The following PSPH variants were observed in gnomAD, a reference collection of about 807,000 sequenced individuals.
PSPH encodes L-3-phosphoserine phosphatase.
In PSPH, 16 loss-of-function variants were observed where a neutral mutation model predicts 23.4. The observed-to-expected ratio is 0.68, with a 90% CI of 0.46 to 1.04. The LOEUF (loss-of-function observed/expected upper bound fraction) is 1.04. Ranked by LOEUF, PSPH falls within the 50% of genes least tolerant of loss-of-function variation. The pLI, the probability that PSPH is intolerant of heterozygous loss-of-function variation, is 0.00. For synonymous variants in PSPH, 68 were observed against 99.7 expected, an observed-to-expected ratio of 0.68 and a Z score of 1.89; for missense variants, 223 against 273.7, an observed-to-expected ratio of 0.81 and a Z score of 1.31.
chr7:56,045,272 A>G (rs762345416), intron 1 of PSPH, among the ~76,000 whole-genome samples: 1 of 152,090 alleles, frequency 6.6e-6, no homozygotes, highest in Non-Finnish European at 1.5e-5. Context: ...TGGTAGGCCA[A>G]AGTGGGAGGA....
chr7:56,032,331 AAG>A (rs776589045), intron 2 of PSPH, among the ~76,000 whole-genome samples: 1 of 152,136 alleles, frequency 6.6e-6, no homozygotes, highest in Admixed American at 6.6e-5. Context: ...GGGAGAGGGA[AAG>A]AGAATCTCTT....
chr7:56,046,513 C>T (rs575906325), intron 1 of PSPH, among the ~76,000 whole-genome samples: 46 of 152,020 alleles, frequency 3.0e-4, no homozygotes, highest in African/African-American at 1.1e-3. Context: ...TGGCTTTGCA[C>T]GGTGGCTTAC....
rs563676402 is a variant in PSPH at position 56,016,657 on chromosome 7, G to A, written c.421+577C>T. Among the ~76,000 whole-genome samples the A allele has an allele frequency of 5.9e-5, 9 of 151,830 alleles. No individual in the cohort carries two copies. In the East Asian group the frequency reaches 7.8e-4, roughly 13 times the overall value. On this transcript the variant is annotated intron_variant, in intron 6 of 7. Coordinates refer to ENST00000275605, the MANE Select transcript of PSPH (RefSeq NM_004577.4). The stretch of plus-strand genomic sequence containing the variant: ...GAGATCTCAGCTCACTGCAGCCTCC[G>A]CCTCCCAGCTTCAAGTGATTCTCCT...
chr7:56,048,567 G>T (rs1353448766), intron 1 of PSPH, among the ~76,000 whole-genome samples: 1 of 152,102 alleles, frequency 6.6e-6, no homozygotes, highest in Non-Finnish European at 1.5e-5. Context: ...TTATTCCTGG[G>T]TTAAATGTGA....
In PSPH at chr7:56,051,443, A is replaced by G; in HGVS notation, c.-597T>C. 1 of 238,770 alleles carries G rather than the reference A, an allele frequency of 4.2e-6. No homozygotes were observed. The highest frequency in any genetic ancestry group is 4.5e-5 in the South Asian group (1 of 21,992). 14.8% of individuals were successfully genotyped at this position (238,770 alleles called of 1,614,324 possible). On this transcript the variant is annotated 5_prime_UTR_variant, in exon 1 of 8. Coordinates refer to ENST00000275605, the MANE Select transcript of PSPH (RefSeq NM_004577.4). ...CGAGCACACGGTCCGGGAAGCTCCA[A>G]TGAAACGGAACAAACCGCGAGATCA...
chr7:56,030,764 T>C (rs949573070), intron 3 of PSPH, among the ~76,000 whole-genome samples: 1 of 151,906 alleles, frequency 6.6e-6, no homozygotes, highest in Non-Finnish European at 1.5e-5. Context: ...CCAGGCATGG[T>C]GGTGGGCACC....
At chr7:56,017,410 T>C (rs773958830) in intron 5 of PSPH, 31 bp from the exon 6 acceptor site, 3 of 1,418,974 alleles carry the variant, frequency 2.1e-6, no homozygotes, top group South Asian at 2.7e-5. Flanking sequence ...TACCCAACAC[T>C]GAGTAATACA....
In PSPH at chr7:56,037,568, GCCA is replaced by G. The variant is rs548783818; in HGVS notation, c.-291-3465_-291-3463del. On this transcript the variant is annotated intron_variant, in intron 1 of 7. Transcript: ENST00000275605. Reference sequence around the variant, plus strand: ...CGAGTAGGTTGGACCACAGGTGTGTGCCACCACACCAGGCTGGTTTTTGTTTAG... The same window carrying G: ...CGAGTAGGTTGGACCACAGGTGTGTGCCACACCAGGCTGGTTTTTGTTTAG... Among the ~76,000 whole-genome samples the G allele has an allele frequency of 1.7e-3, 254 of 151,886 alleles. 2 individuals carry two copies. The highest frequency in any genetic ancestry group is 5.9e-3 in the African/African-American group (246 of 41,430).
chr7:56,019,901 C>A, intron 4 of PSPH, 167 bp from the exon 5 acceptor site: 2 of 840,246 alleles, frequency 2.4e-6, no homozygotes, highest in Non-Finnish European at 3.9e-6. Context: ...TTGGAATAAA[C>A]TTTTGAAGGA....
chr7:56,043,404 G>C (rs1483987898), intron 1 of PSPH: 8 of 152,056 alleles, frequency 5.3e-5, no homozygotes, highest in Non-Finnish European at 1.0e-4. Flanking sequence ...TGTAATCCCA[G>C]CTACTAGGTA....
At chr7:56,034,653 C>T (rs1380106608) in intron 1 of PSPH, among the ~76,000 whole-genome samples, 1 of 152,054 alleles carries the variant, frequency 6.6e-6, no homozygotes, top group Non-Finnish European at 1.5e-5. Flanking sequence ...GTAGCCGGGA[C>T]TACGGGCGCC....
chr7:56,037,888 T>G (rs1304953050), intron 1 of PSPH, among the ~76,000 whole-genome samples: 1 of 151,458 alleles, frequency 6.6e-6, no homozygotes, highest in Non-Finnish European at 1.5e-5. Flanking sequence ...AATTTTTGTA[T>G]TTTTAGTACA....
At chr7:56,049,410 G>T (rs1241888771) in intron 1 of PSPH, among the ~76,000 whole-genome samples, 1 of 151,924 alleles carries the variant, frequency 6.6e-6, no homozygotes, top group Admixed American at 6.6e-5. Context: ...CCCTTATCAA[G>T]AACACCTATT....
At chr7:56,022,239 G>A (rs758676475) in intron 3 of PSPH, among the ~76,000 whole-genome samples, 20 of 151,980 alleles carry the variant, frequency 1.3e-4, no homozygotes, top group South Asian at 8.3e-4. Flanking sequence ...GGAGACTGAA[G>A]CAGGAGAATT....
intron 3 of PSPH, 134 bp from the exon 4 acceptor site, chr7:56,021,365 T>C (rs1007855993): frequency 1.5e-6 from 1 of 658,850 alleles, no homozygotes. Flanking sequence ...CAGATTCATT[T>C]TTTTTTCCTT....
chr7:56,033,508 A>T (rs1247378729), intron 2 of PSPH: 2 of 150,962 alleles, frequency 1.3e-5, no homozygotes, highest in Non-Finnish European at 3.0e-5. Flanking sequence ...AAAAAAAAAA[A>T]AATAAATAAA....
chr7:56,050,030 T>G lies in PSPH; in HGVS notation c.-292+1108A>C, dbSNP rs4413725. On this transcript the variant is annotated intron_variant, in intron 1 of 7. Transcript: ENST00000275605. ...GGATTACAAGCGTGCGCCACCATGC[T>G]TGGCCTCCTCATAACATTTTTAACA... is the stretch of plus-strand genomic sequence containing the variant. 1.1e-3 allele frequency among the ~76,000 whole-genome samples: 166 copies of G among 152,076 alleles called. No homozygotes were observed. In the East Asian group the frequency reaches 0.015, roughly 13 times the overall value.
rs951316429 is a variant in PSPH at position 56,034,657 on chromosome 7, G to C, written c.-291-551C>G. Among the ~76,000 whole-genome samples, 7 of 152,074 alleles carry C rather than the reference G, an allele frequency of 4.6e-5. No homozygotes were observed. The East Asian group carries it at 7.8e-4, about 17-fold the overall frequency. On this transcript the variant is annotated intron_variant, in intron 1 of 7. Coordinates refer to ENST00000275605, the MANE Select transcript of PSPH (RefSeq NM_004577.4). The stretch of plus-strand genomic sequence containing the variant: ...CAGCCACCCAAGTAGCCGGGACTAC[G>C]GGCGCCCGCCACCACGCCCGGCTAA...
intron 1 of PSPH, among the ~76,000 whole-genome samples, chr7:56,048,347 CTG>C (rs1793531234): frequency 6.7e-6 from 1 of 150,134 alleles, no homozygotes; most frequent in South Asian, 2.1e-4. Context: ...AAGGGACAGT[CTG>C]TAAAATAACT....
Sources: gnomAD v4.1 joint callset for allele counts (sites outside exome capture counted in the v4.1 genomes callset) on GRCh38, gnomAD v4.1.1 for gene constraint, MANE v1.5 for transcripts, NCBI Gene and HGNC (gene_info 2026-07-23, HGNC 2026-07-21) for gene names.